Variants in ITGA8 observed in about 807,000 individuals in gnomAD.
ITGA8 encodes the protein integrin alpha-8.
Under a neutral mutation model 142.3 loss-of-function variants are expected in ITGA8, and 91 were observed. The observed-to-expected ratio is 0.64, with a 90% CI of 0.54 to 0.76. The LOEUF (loss-of-function observed/expected upper bound fraction) is 0.76. Among genes scored for constraint, ITGA8 ranks in the 30% least tolerant of loss-of-function variants. The pLI is 0.00. For synonymous variants in ITGA8, 505 were observed against 485.2 expected (o/e 1.04, Z -0.54); for missense variants, 1,406 against 1,327.7 (o/e 1.06, Z -0.92).
Position 15,718,828 on chromosome 10 carries a change from T to G in ITGA8, c.281A>C (p.Tyr94Ser). 5 of 1,614,058 alleles carry G rather than the reference T, an allele frequency of 3.1e-6. No homozygotes were observed. Among genetic ancestry groups the G allele is most frequent in the Non-Finnish European group, 4.2e-6 (5 of 1,180,010 alleles). ...CCCCTCCGCGGGCCAAGGACAGTAA[T>G]AGACGGCTCCCCCTTCCACGATATC... ...QPDIVEGGAVYYCPWPAEGSA... is the reference protein window; with the variant it reads ...QPDIVEGGAVSYCPWPAEGSA... The change falls in exon 2 of 30, where the codon TAT becomes TCT. Residue 94 changes from tyrosine (Y) to serine (S), a missense_variant. Coordinates refer to ENST00000378076, the MANE Select transcript of ITGA8 (RefSeq NM_003638.3).
At chr10:15,580,130 A>G (rs1280914236) in intron 23 of ITGA8, among the ~76,000 whole-genome samples, 44 of 145,628 alleles carry the variant, frequency 3.0e-4, no homozygotes, top group Admixed American at 1.7e-3. Context: ...AAAATGTAAA[A>G]AAAAAAAAAA....
At chr10:15,706,568 G>C (rs889132241) in intron 2 of ITGA8, among the ~76,000 whole-genome samples, 1 of 151,982 alleles carries the variant, frequency 6.6e-6, no homozygotes, top group African/African-American at 2.4e-5. Context: ...AGCCTTCCTA[G>C]TAGCTGGACT....
Position 15,558,074 on chromosome 10 carries a change from C to A in ITGA8, c.2766G>T (p.Leu922=). The stretch of plus-strand genomic sequence containing the variant: ...TTCTATGCACACTGGGATAACTCAC[C>A]AGTATTTTTGCAGGGCTCTGTCTGT... The part of the protein sequence containing the change: ...EFHRQSPAKI[L]NCTNIECLQI... The change falls in exon 26 of 30, where the codon CTG becomes CTT. Residue 922 remains leucine (L), a splice_region_variant and synonymous_variant. Transcript: ENST00000378076. 6.2e-7 allele frequency: 1 copy of A among 1,613,884 alleles called. No homozygotes were observed. Among genetic ancestry groups the A allele is most frequent in the Non-Finnish European group, 8.5e-7 (1 of 1,180,030 alleles).
In ITGA8 at chr10:15,597,202, C is replaced by G; in HGVS notation, c.2211+5G>C. 1 of 1,608,152 alleles carries G rather than the reference C, an allele frequency of 6.2e-7. No homozygotes were observed. Among genetic ancestry groups the G allele is most frequent in the Non-Finnish European group, 8.5e-7 (1 of 1,174,550 alleles). ...AATCAGTCAGTATTTCTGGTTCTCT[C>G]TTACATTTGTTCCAGACACCATAGG... On this transcript the variant is annotated splice_donor_5th_base_variant and intron_variant, in intron 21 of 29. Coordinates refer to ENST00000378076, the MANE Select transcript of ITGA8 (RefSeq NM_003638.3).
intron 6 of ITGA8, among the ~76,000 whole-genome samples, chr10:15,675,878 C>T (rs1564404085): frequency 6.6e-6 from 1 of 152,164 alleles, no homozygotes; most frequent in African/African-American, 2.4e-5. Context: ...TTCTATGTCT[C>T]AGACAAATGC....
chr10:15,562,669 G>A (rs1834005284), intron 25 of ITGA8, among the ~76,000 whole-genome samples: 1 of 152,204 alleles, frequency 6.6e-6, no homozygotes, highest in South Asian at 2.1e-4. Flanking sequence ...TGAGTCGAAT[G>A]TCTTGGAGGC....
chr10:15,570,334 G>A (rs1457355933), intron 25 of ITGA8, among the ~76,000 whole-genome samples: 2 of 152,104 alleles, frequency 1.3e-5, no homozygotes, highest in Non-Finnish European at 2.9e-5. Flanking sequence ...GGGGCGGGGC[G>A]CAGTGGCTCA....
chr10:15,556,839 C>G (rs533508024), intron 26 of ITGA8, among the ~76,000 whole-genome samples: 1 of 152,188 alleles, frequency 6.6e-6, no homozygotes, highest in Non-Finnish European at 1.5e-5. Flanking sequence ...TCACCATCCC[C>G]ACTTCTCTTG....
At chr10:15,651,997 A>G (rs74574100) in intron 11 of ITGA8, among the ~76,000 whole-genome samples, 2,993 of 152,288 alleles carry the variant, frequency 0.02, 44 homozygotes, top group Non-Finnish European at 0.031. Context: ...ATTAATGGAA[A>G]TATCCTTCAA....
At chr10:15,525,980 C>A (rs1017897363) in intron 28 of ITGA8, among the ~76,000 whole-genome samples, 6 of 152,072 alleles carry the variant, frequency 3.9e-5, no homozygotes, top group African/African-American at 1.2e-4. Context: ...GTAACACAAC[C>A]GTGTTTAATG....
chr10:15,697,675 AT>A (rs1564414296), intron 2 of ITGA8, among the ~76,000 whole-genome samples: 1 of 152,218 alleles, frequency 6.6e-6, no homozygotes, highest in Admixed American at 6.5e-5. Context: ...TTCCAATAGA[AT>A]TTCATATAGG....
chr10:15,521,232 C>T (rs373888171), intron 28 of ITGA8, among the ~76,000 whole-genome samples: 50 of 152,122 alleles, frequency 3.3e-4, no homozygotes, highest in African/African-American at 1.1e-3. Context: ...CCATTCTGGC[C>T]AGGCTGGTCT....
In ITGA8 at chr10:15,605,764, C is replaced by G. The variant is rs758873139; in HGVS notation, c.1930G>C (p.Asp644His). ...TTCAAGTCAGGAACACACAGATTGT[C>G]TTCTCCACAGTCCACCAGAATGTGA... ...QAHILVDCGEDNLCVPDLKLS... is the reference protein window; with the variant it reads ...QAHILVDCGEHNLCVPDLKLS... The change falls in exon 19 of 30, where the codon GAC (aspartate) becomes CAC (histidine). Residue 644 changes from aspartate (D) to histidine (H), a missense_variant. Physicochemically the swap from Asp to His is moderately conservative, Grantham distance 81. Transcript: ENST00000378076. 1.2e-6 allele frequency: 2 copies of G among 1,613,550 alleles called. No individual in the cohort carries two copies. The highest frequency in any genetic ancestry group is 1.1e-5 in the South Asian group (1 of 91,062).
At chr10:15,662,326 CTTTTT>C (rs200922550) in intron 8 of ITGA8, among the ~76,000 whole-genome samples, 3 of 72,724 alleles carry the variant, frequency 4.1e-5, no homozygotes, top group African/African-American at 2.0e-4. Context: ...TCAGAAGGTC[CTTTTT>C]TTTTTTTTTT....
chr10:15,534,482 A>T (rs541805804), intron 27 of ITGA8, among the ~76,000 whole-genome samples: 30 of 152,332 alleles, frequency 2.0e-4, no homozygotes, highest in African/African-American at 6.5e-4. Flanking sequence ...TGCTTAATCA[A>T]TACTGGATCT....
At chr10:15,627,024 A>G (rs1459546329) in intron 13 of ITGA8, among the ~76,000 whole-genome samples, 1 of 151,980 alleles carries the variant, frequency 6.6e-6, no homozygotes, top group Non-Finnish European at 1.5e-5. Flanking sequence ...TCATCTAAGA[A>G]CTCATTATTG....
chr10:15,590,896 T>C (rs1281982720), intron 22 of ITGA8, among the ~76,000 whole-genome samples: 1 of 152,158 alleles, frequency 6.6e-6, no homozygotes, highest in Non-Finnish European at 1.5e-5. Context: ...AGGTCAGAAA[T>C]GAACAGCTCA....
intron 26 of ITGA8, among the ~76,000 whole-genome samples, chr10:15,552,567 G>T (rs1833810912): frequency 6.6e-6 from 1 of 152,096 alleles, no homozygotes; most frequent in African/African-American, 2.4e-5. Context: ...TAAATTCTGG[G>T]ATACATGTAC....
chr10:15,701,425 T>C (rs1407255170), intron 2 of ITGA8, among the ~76,000 whole-genome samples: 1 of 152,174 alleles, frequency 6.6e-6, no homozygotes, highest in Non-Finnish European at 1.5e-5. Context: ...ATACAATTGA[T>C]TTGACTCATC....
Sources: allele counts gnomAD v4.1 joint callset (sites outside exome capture counted in the v4.1 genomes callset), GRCh38; gene constraint gnomAD v4.1.1; transcripts MANE v1.5; gene names NCBI Gene and HGNC (gene_info 2026-07-23, HGNC 2026-07-21).